The following ARHGAP24 variants were observed in gnomAD, a reference collection of about 807,000 sequenced individuals.
ARHGAP24 encodes the protein Rho GTPase activating protein 24, also known as rho GTPase-activating protein 24.
Under a neutral mutation model 76.4 loss-of-function variants are expected in ARHGAP24, and 50 were observed. The ratio of observed to expected loss-of-function variants is 0.65; its 90% confidence interval spans 0.52 to 0.83. The LOEUF (loss-of-function observed/expected upper bound fraction) is 0.83, where lower values mean the gene tolerates loss of function less well. ARHGAP24 is among the 40% of genes least tolerant of loss of function. ARHGAP24 has a pLI of 0.00. For missense variants in ARHGAP24, 930 were observed against 914.2 expected (o/e 1.02, Z -0.22); for synonymous variants, 345 against 323.3 (o/e 1.07, Z -0.72).
chr4:85,698,550 A>T (rs1241728975), intron 2 of ARHGAP24, among the ~76,000 whole-genome samples: 1 of 152,158 alleles, frequency 6.6e-6, no homozygotes, highest in African/African-American at 2.4e-5. Context: ...AACACTTAAC[A>T]TTGTAGTGGT....
chr4:85,766,224 G>A (rs1578208382), intron 3 of ARHGAP24, among the ~76,000 whole-genome samples: 4 of 152,098 alleles, frequency 2.6e-5, no homozygotes, highest in South Asian at 2.1e-4. Flanking sequence ...GATGGGGTAC[G>A]GGGACTGGCA....
chr4:85,705,043 C>T (rs558467402), intron 2 of ARHGAP24, among the ~76,000 whole-genome samples: 7 of 152,050 alleles, frequency 4.6e-5, no homozygotes, highest in African/African-American at 1.4e-4. Context: ...CACATTTAAA[C>T]CATAGTTCAG....
intron 2 of ARHGAP24, among the ~76,000 whole-genome samples, chr4:85,635,953 A>T (rs935217142): frequency 1.1e-4 from 17 of 151,542 alleles, no homozygotes; most frequent in South Asian, 2.1e-4. Flanking sequence ...GATTTCCTGC[A>T]TCATTTGATA....
chr4:85,911,781 A>G (rs569904525), intron 3 of ARHGAP24, among the ~76,000 whole-genome samples: 1 of 152,322 alleles, frequency 6.6e-6, no homozygotes, highest in South Asian at 2.1e-4. Context: ...CCACCTGCAA[A>G]TGATTATTGG....
chr4:85,674,122 C>A (rs193085100), intron 2 of ARHGAP24, among the ~76,000 whole-genome samples: 82 of 152,264 alleles, frequency 5.4e-4, no homozygotes, highest in Admixed American at 1.4e-3. Context: ...CTTTAGCATT[C>A]ATCAGAACCA....
At chr4:85,957,347 C>T (rs1407276420) in intron 5 of ARHGAP24, among the ~76,000 whole-genome samples, 1 of 152,034 alleles carries the variant, frequency 6.6e-6, no homozygotes, top group South Asian at 2.1e-4. Context: ...AACACGAGGT[C>T]AATGTAACAT....
intron 2 of ARHGAP24, among the ~76,000 whole-genome samples, chr4:85,611,905 T>G (rs1021868056): frequency 6.6e-6 from 1 of 152,224 alleles, no homozygotes; most frequent in African/African-American, 2.4e-5. Flanking sequence ...TATAATCCCC[T>G]ACTTGACCTG....
At chr4:85,685,326 C>T (rs1315322385) in intron 2 of ARHGAP24, among the ~76,000 whole-genome samples, 1 of 152,142 alleles carries the variant, frequency 6.6e-6, no homozygotes, top group Non-Finnish European at 1.5e-5. Flanking sequence ...CTTTCATGCC[C>T]TCAACAGAAG....
chr4:85,617,406 T>C (rs1159031278), intron 2 of ARHGAP24, among the ~76,000 whole-genome samples: 1 of 151,966 alleles, frequency 6.6e-6, no homozygotes, highest in African/African-American at 2.4e-5. Context: ...TACGTATCCT[T>C]CCGGAGATGT....
intron 1 of ARHGAP24, among the ~76,000 whole-genome samples, chr4:85,554,494 CTTTA>C (rs1484105735): frequency 6.6e-6 from 1 of 151,842 alleles, no homozygotes; most frequent in East Asian, 1.9e-4. Context: ...CGTTTTTATT[CTTTA>C]TTTTTTATTT....
chr4:85,831,520 A>G (rs569232767), intron 3 of ARHGAP24, among the ~76,000 whole-genome samples: 1 of 152,206 alleles, frequency 6.6e-6, no homozygotes, highest in Admixed American at 6.5e-5. Context: ...TCCTTCTCCA[A>G]CTCTTATTCT....
intron 3 of ARHGAP24, among the ~76,000 whole-genome samples, chr4:85,857,614 T>C (rs938224041): frequency 3.3e-5 from 5 of 152,230 alleles, no homozygotes; most frequent in African/African-American, 1.2e-4. Flanking sequence ...TATGTGAGGG[T>C]AAGAAAATGT....
At chr4:85,757,891 T>A (rs1338902807) in intron 3 of ARHGAP24, among the ~76,000 whole-genome samples, 1 of 152,192 alleles carries the variant, frequency 6.6e-6, no homozygotes, top group Non-Finnish European at 1.5e-5. Context: ...GTTTCCTGAC[T>A]TTTTAATGAT....
At chr4:85,870,623 C>T (rs1032368552) in intron 3 of ARHGAP24, among the ~76,000 whole-genome samples, 8 of 152,022 alleles carry the variant, frequency 5.3e-5, no homozygotes, top group African/African-American at 1.4e-4. Flanking sequence ...TACGAACATA[C>T]GAGTGCTTGG....
In ARHGAP24 at chr4:85,644,343, T is replaced by A. The variant is rs553582204; in HGVS notation, c.180+73622T>A. ...CATCACATTGGTTTTAAGACTGAGA[T>A]CTAAGTCTGTCTTTATTACTAATTA... On this transcript the variant is annotated intron_variant, in intron 2 of 9. Coordinates refer to ENST00000395184, the MANE Select transcript of ARHGAP24 (RefSeq NM_001025616.3). 6.0e-4 allele frequency among the ~76,000 whole-genome samples: 91 copies of A among 152,208 alleles called. 1 individual carries two copies. The highest frequency in any genetic ancestry group is 6.8e-3 in the Middle Eastern group (2 of 294).
intron 2 of ARHGAP24, among the ~76,000 whole-genome samples, chr4:85,682,204 C>A (rs1479142210): frequency 6.6e-6 from 1 of 152,166 alleles, no homozygotes; most frequent in Admixed American, 6.6e-5. Context: ...GCGTTAAAAA[C>A]AAAGATGTAA....
chr4:85,568,301 T>A (rs112571005), intron 1 of ARHGAP24, among the ~76,000 whole-genome samples: 1 of 148,988 alleles, frequency 6.7e-6, no homozygotes, highest in East Asian at 2.0e-4. Context: ...TGTGTGTGCA[T>A]GTTTGTTGCG....
At position 85,995,415 on chromosome 4, in the gene ARHGAP24, C is replaced by T. The variant is rs778358815; in HGVS notation, c.1761C>T (p.Asn587=). ...TCPEQDFFGG[N]FEDPVLDGPP... ...CAGAGCAAGACTTTTTTGGGGGGAA[C>T]TTTGAGGACCCTGTTTTGGATGGGC... is the stretch of plus-strand genomic sequence containing the variant. Residue 587 remains asparagine, a synonymous_variant, in exon 9 of 10, where the codon AAC becomes AAT. Coordinates refer to ENST00000395184, the MANE Select transcript of ARHGAP24 (RefSeq NM_001025616.3). 2.2e-5 allele frequency: 35 copies of T among 1,612,382 alleles called. No individual in the cohort carries two copies. Among genetic ancestry groups the T allele is most frequent in the Non-Finnish European group, 2.7e-5 (32 of 1,178,734 alleles).
At chr4:85,634,140 G>C (rs1287349457) in intron 2 of ARHGAP24, among the ~76,000 whole-genome samples, 1 of 151,810 alleles carries the variant, frequency 6.6e-6, no homozygotes, top group Non-Finnish European at 1.5e-5. Context: ...CTTTCAATCA[G>C]TGAATGTTAT....
Sources: allele counts gnomAD v4.1 joint callset (sites outside exome capture counted in the v4.1 genomes callset), GRCh38; gene constraint gnomAD v4.1.1; transcripts MANE v1.5; gene names NCBI Gene and HGNC (gene_info 2026-07-23, HGNC 2026-07-21).